The following IGF2 variants were observed in gnomAD, a reference collection of about 807,000 sequenced individuals.
IGF2 encodes insulin-like growth factor 2.
IGF2 carries 2 observed loss-of-function variants against 12.0 expected under a neutral mutation model. The ratio of observed to expected loss-of-function variants is 0.17; its 90% CI spans 0.07 to 0.52. IGF2 has a LOEUF of 0.52. IGF2 is among the 20% of genes least tolerant of loss of function. The pLI, the probability that IGF2 is intolerant of heterozygous loss-of-function variation, is 0.95. For synonymous variants in IGF2, 105 were observed against 110.1 expected (o/e 0.95, Z 0.29); for missense variants, 211 against 268.0 (o/e 0.79, Z 1.48).
At chr11:2,142,241 G>GA (rs766018909), upstream of IGF2, among the ~76,000 whole-genome samples, 2 of 151,954 alleles carry the variant, frequency 1.3e-5, no homozygotes, top group East Asian at 1.9e-4. This position sits in a 1 kb window ranked among gnomAD's most constrained non-coding sequence, Gnocchi z 5.7. Flanking sequence ...TTTGTGAAGG[G>GA]AAAAAAATCT....
At chr11:2,136,051 C>T (rs1468573415) in intron 1 of IGF2, among the ~76,000 whole-genome samples, 3 of 152,174 alleles carry the variant, frequency 2.0e-5, no homozygotes, top group Admixed American at 2.0e-4. Flanking sequence ...CAGGGGGGGT[C>T]CAGGAGGACC....
In IGF2 at chr11:2,131,756, T is replaced by C. The variant is rs1224023663; in HGVS notation, c.*1231A>G. The C allele has an allele frequency of 1.9e-5, 4 of 205,924 alleles. No individual in the cohort carries two copies. The highest frequency in any genetic ancestry group is 7.4e-5 in the African/African-American group (3 of 40,636). The allele number at this position is 205,924 out of a possible 1,614,324, so 12.8% of individuals were successfully genotyped here. A position where few individuals can be genotyped will look rare whatever the true frequency, so the allele number is the denominator to read the frequency against. On this transcript the variant is annotated 3_prime_UTR_variant, in exon 4 of 4. Transcript: ENST00000416167. Reference sequence around the variant, plus strand: ...TTCGCGTGTGTGTGCTGTGTGTGCATGTGTGTGCTGTGTCTTTGTGTGTGT... The same window carrying C: ...TTCGCGTGTGTGTGCTGTGTGTGCACGTGTGTGCTGTGTCTTTGTGTGTGT...
the IGF2 span, chr11:2,149,000 G>T: frequency 1.1e-6 from 1 of 883,558 alleles, no homozygotes; most frequent in Non-Finnish European, 1.8e-6. The surrounding 1 kb of genome is among the most constrained non-coding windows in gnomAD (Gnocchi z 4.3). Context: ...CCCTCCAGCA[G>T]CAGAAGTTCT....
chr11:2,139,038 C>T lies in IGF2; in HGVS notation c.-816G>A. 8.5e-6 allele frequency: 3 copies of T among 352,284 alleles called. No homozygotes were observed. The highest frequency in any genetic ancestry group is 6.5e-6 in the Non-Finnish European group (2 of 308,970). The allele number at this position is 352,284 out of a possible 1,614,324, so 21.8% of individuals were successfully genotyped here. A position where few individuals can be genotyped will look rare whatever the true frequency, so the allele number is the denominator to read the frequency against. On this transcript the variant is annotated 5_prime_UTR_variant, in exon 1 of 4. Transcript: ENST00000416167. ...AGGGGAGCGGCCCGAGGCTGCGCGC[C>T]GGGGGGAGGGCTGGAGGGGGAGCGC...
upstream of IGF2, chr11:2,140,522 G>A (rs1305456979): frequency 3.9e-5 from 21 of 544,032 alleles, no homozygotes; most frequent in Non-Finnish European, 5.8e-5. Flanking sequence ...TCCTAGGCCC[G>A]CGGGCTAGAG....
the IGF2 span, chr11:2,148,954 C>G: frequency 1.6e-6 from 1 of 630,662 alleles, no homozygotes; most frequent in Non-Finnish European, 2.8e-6. The surrounding 1 kb of genome is among the most constrained non-coding windows in gnomAD (Gnocchi z 4.3). Flanking sequence ...CACCCCATCC[C>G]TGAAGTTGAG....
At chr11:2,143,834 G>C (rs1268139709), upstream of IGF2, among the ~76,000 whole-genome samples, 1 of 152,256 alleles carries the variant, frequency 6.6e-6, no homozygotes, top group Non-Finnish European at 1.5e-5. Context: ...CGAGTTCGGG[G>C]AAAGCAGGGA....
chr11:2,139,597 A>G (rs1428293491), upstream of IGF2, among the ~76,000 whole-genome samples: 1 of 101,926 alleles, frequency 9.8e-6, no homozygotes, highest in African/African-American at 3.9e-5. Context: ...CGGCGGTCGC[A>G]GGGGCTGGGG....
chr11:2,147,135 G>T, the IGF2 span: 1 of 155,462 alleles, frequency 6.4e-6, no homozygotes, highest in Non-Finnish European at 1.4e-5. The surrounding 1 kb of genome is among the most constrained non-coding windows in gnomAD (Gnocchi z 7.2). Context: ...GCCTGGGGCG[G>T]GGAGAACCCG....
rs116610226 is a variant in IGF2, at chr11:2,135,087, C to T, written c.157+280G>A. On this transcript the variant is annotated intron_variant, in intron 2 of 3. Transcript: ENST00000416167. ...GGAGCAGGAGCCTCACGGCCCCCAA[C>T]AGAAATTCTGATGCCCAGGGAGACC... is the stretch of plus-strand genomic sequence containing the variant. Among the ~76,000 whole-genome samples the T allele has an allele frequency of 2.7e-3, 410 of 152,342 alleles. 2 individuals carry two copies. The highest frequency in any genetic ancestry group is 9.4e-3 in the African/African-American group (392 of 41,596).
upstream of IGF2, among the ~76,000 whole-genome samples, chr11:2,145,997 C>A (rs1859907763): frequency 6.6e-6 from 1 of 152,102 alleles, no homozygotes; most frequent in South Asian, 2.1e-4. Flanking sequence ...CCACCCAGAG[C>A]TTGGCCGGCA....
Position 2,138,712 on chromosome 11 carries a change from G to GAGAACAGCAC in IGF2, c.-491_-490insGTGCTGTTCT. 1 of 631,314 alleles carries GAGAACAGCAC rather than the reference G, an allele frequency of 1.6e-6. No individual in the cohort carries two copies. Among genetic ancestry groups the GAGAACAGCAC allele is most frequent in the Non-Finnish European group, 1.9e-6 (1 of 513,580 alleles). 39.1% of individuals were successfully genotyped at this position (631,314 alleles called of 1,614,324 possible). On this transcript the variant is annotated 5_prime_UTR_variant, in exon 1 of 4. Coordinates refer to ENST00000416167, the MANE Select transcript of IGF2 (RefSeq NM_000612.6). The stretch of plus-strand genomic sequence containing the variant: ...CGAGAGGGCGGGCGTGAGGGGGGGA[G>GAGAACAGCAC]GGAGTCGGAGGCTAGGAGCTGGGGG...
intron 1 of IGF2, among the ~76,000 whole-genome samples, chr11:2,136,997 G>A (rs1401711433): frequency 1.3e-5 from 2 of 152,242 alleles, no homozygotes; most frequent in Admixed American, 6.5e-5. Flanking sequence ...AGAAAGGGAA[G>A]GAGCAGGTGA....
rs967528894 is a variant in IGF2, at chr11:2,133,896, C to T, written c.158-231G>A. Among the ~76,000 whole-genome samples, 16 of 152,246 alleles carry T rather than the reference C, an allele frequency of 1.1e-4. No homozygotes were observed. The highest frequency in any genetic ancestry group is 2.4e-5 in the African/African-American group (1 of 41,462). On this transcript the variant is annotated intron_variant, in intron 2 of 3. Transcript: ENST00000416167. This position sits in a 1 kb window ranked among gnomAD's most constrained non-coding sequence, Gnocchi z 8.9. ...CAGACCAGCCCGTGGCCTCTGCTGC[C>T]TCCTTCCTCAGATGAAAAATGGGCA...
At chr11:2,138,115 C>A in intron 1 of IGF2, 114 bp downstream of exon 1, 1 of 628,944 alleles carries the variant, frequency 1.6e-6, no homozygotes. Context: ...CTCAGCCGCC[C>A]CGCCGAGCCC....
chr11:2,143,257 A>G (rs1300244681), upstream of IGF2, among the ~76,000 whole-genome samples: 1 of 151,034 alleles, frequency 6.6e-6, no homozygotes, highest in Non-Finnish European at 1.5e-5. Flanking sequence ...CTTGGGATTC[A>G]ACGTGTAAAG....
In IGF2 at chr11:2,129,769, G is replaced by A. The variant is rs1858406870; in HGVS notation, c.*3218C>T. 1 of 232,036 alleles carries A rather than the reference G, an allele frequency of 4.3e-6. No homozygotes were observed. The highest frequency in any genetic ancestry group is 5.6e-5 in the Admixed American group (1 of 17,752). 14.4% of individuals were successfully genotyped at this position (232,036 alleles called of 1,614,324 possible). A position where few individuals can be genotyped will look rare whatever the true frequency, so the allele number is the denominator to read the frequency against. On this transcript the variant is annotated 3_prime_UTR_variant, in exon 4 of 4. Coordinates refer to ENST00000416167, the MANE Select transcript of IGF2 (RefSeq NM_000612.6). This position sits in a 1 kb window ranked among gnomAD's most constrained non-coding sequence, Gnocchi z 8.1. ...CCCAGAAGCCTCAGGCCTCTAGACT[G>A]CTAGTCGGGCTGCGTGCAGGGGGGC... is the stretch of plus-strand genomic sequence containing the variant.
intron 1 of IGF2, among the ~76,000 whole-genome samples, 171 bp from the exon 2 acceptor site, chr11:2,135,700 G>A (rs3213223): frequency 0.15 from 23,068 of 152,260 alleles, 2,246 homozygotes; most frequent in Non-Finnish European, 0.22. Context: ...TCATAATGCC[G>A]AGGTGAGGGC....
the IGF2 span, chr11:2,149,313 T>G: frequency 6.2e-7 from 1 of 1,612,906 alleles, no homozygotes. Context: ...TCTGGCCAGG[T>G]TGACGTGGAG....
Sources: allele counts gnomAD v4.1 joint callset (sites outside exome capture counted in the v4.1 genomes callset), GRCh38; gene constraint gnomAD v4.1.1; non-coding constraint Gnocchi (gnomAD v3.1); transcripts MANE v1.5; gene names NCBI Gene and HGNC (gene_info 2026-07-23, HGNC 2026-07-21).